Variants in DYNC2H1 observed in about 807,000 individuals in gnomAD.
DYNC2H1 encodes the protein cytoplasmic dynein 2 heavy chain 1.
A neutral mutation model predicts 570.0 loss-of-function variants in DYNC2H1; 410 were observed. That is an observed-to-expected ratio of 0.72 (90% CI 0.66 to 0.78). The LOEUF is 0.78. Among genes scored for constraint, DYNC2H1 ranks in the 30% least tolerant of loss-of-function variants. DYNC2H1 has a pLI of 0.00. For missense variants in DYNC2H1, 4,865 were observed against 5,046.4 expected, an observed-to-expected ratio of 0.96 and a Z score of 1.09; for synonymous variants, 1,688 against 1,677.6, an observed-to-expected ratio of 1.01 and a Z score of -0.15.
Position 103,283,052 on chromosome 11 carries a change from T to A in DYNC2H1, c.10857T>A (p.Asp3619Glu), listed in dbSNP as rs1235080690. Residue 3619 changes from aspartate (D) to glutamate (E), a missense_variant, in exon 73 of 89, where the codon GAT becomes GAA. This residue lies in a region of DYNC2H1 where 2,401 missense variants were observed against 2,454.6 expected (regional missense o/e 0.98). Transcript: ENST00000375735. Reference protein sequence around the residue: ...KIRDQLPSWIDQERSWAVATL... With the variant: ...KIRDQLPSWIEQERSWAVATL... ...GTGATCAGCTTCCGTCTTGGATAGA[T>A]CAGGAACGAAGCTGGGCCGTGGCAA... 1.9e-6 allele frequency: 3 copies of A among 1,608,988 alleles called. No individual in the cohort carries two copies. In the African/African-American group the frequency reaches 4.0e-5, roughly 22 times the overall value.
chr11:103,395,406 T>C lies in DYNC2H1; in HGVS notation c.12157-4257T>C, dbSNP rs1324964259. Among the ~76,000 whole-genome samples, 1 of 151,726 alleles carries C rather than the reference T, an allele frequency of 6.6e-6. No individual in the cohort carries two copies. The highest frequency in any genetic ancestry group is 1.5e-5 in the Non-Finnish European group (1 of 67,946). ...TTCTGAAAGATCTGATGTGCTGGAA[T>C]ATATACATGCATATGATCATGTATG... On this transcript the variant is annotated intron_variant, in intron 83 of 88. Coordinates refer to ENST00000375735, the MANE Select transcript of DYNC2H1 (RefSeq NM_001377.3). This position sits in a 1 kb window ranked among gnomAD's most constrained non-coding sequence, Gnocchi z 4.3.
intron 87 of DYNC2H1, among the ~76,000 whole-genome samples, chr11:103,459,724 G>C (rs377230785): frequency 6.6e-6 from 1 of 151,136 alleles, no homozygotes; most frequent in South Asian, 2.1e-4. Flanking sequence ...AGGCCGAGGC[G>C]GGTGGATCAT....
chr11:103,194,227 A>G (rs1459157357), intron 47 of DYNC2H1, among the ~76,000 whole-genome samples: 3 of 152,166 alleles, frequency 2.0e-5, no homozygotes, highest in South Asian at 2.1e-4. Flanking sequence ...CTGGAGATAC[A>G]TGCCGATTGT....
Position 103,326,252 on chromosome 11 carries a change from A to G in DYNC2H1, c.12039+2262A>G, listed in dbSNP as rs1938469035. On this transcript the variant is annotated intron_variant, in intron 82 of 88. Coordinates refer to ENST00000375735, the MANE Select transcript of DYNC2H1 (RefSeq NM_001377.3). This position sits in a 1 kb window ranked among gnomAD's most constrained non-coding sequence, Gnocchi z 6.1. Reference sequence around the variant, plus strand: ...GGGAGTAGAGGGAGGGGCGGGGAATAAAATCATCTCACCAGGGCCCCGTCC... The same window carrying G: ...GGGAGTAGAGGGAGGGGCGGGGAATGAAATCATCTCACCAGGGCCCCGTCC... Among the ~76,000 whole-genome samples, 1 of 152,054 alleles carries G rather than the reference A, an allele frequency of 6.6e-6. No individual in the cohort carries two copies. The highest frequency in any genetic ancestry group is 2.1e-4 in the South Asian group (1 of 4,818).
intron 75 of DYNC2H1, among the ~76,000 whole-genome samples, chr11:103,302,192 G>A (rs1033582605): frequency 6.6e-6 from 1 of 152,028 alleles, no homozygotes; most frequent in Non-Finnish European, 1.5e-5. Flanking sequence ...ATAGTTAATG[G>A]TGGCAGCTGG....
rs1170955405 is a variant in DYNC2H1 at position 103,311,929 on chromosome 11, C to G, written c.11545C>G (p.Pro3849Ala). 6.2e-7 allele frequency: 1 copy of G among 1,613,402 alleles called. No homozygotes were observed. The highest frequency in any genetic ancestry group is 1.7e-5 in the Admixed American group (1 of 59,956). The change falls in exon 79 of 89, where the codon CCT (proline) becomes GCT (alanine). Residue 3849 changes from proline (P) to alanine (A), a missense_variant. Physicochemically the swap from Pro to Ala is conservative, Grantham distance 27. This residue lies in a region of DYNC2H1 where 2,401 missense variants were observed against 2,454.6 expected (regional missense o/e 0.98). Transcript: ENST00000375735. ...NLMRTYESWT[P>A]EQISKKDNTH... Reference sequence around the variant, plus strand: ...AATGCGTACTTATGAGTCTTGGACTCCTGAGCAAATTAGCAAAAAAGATAA... The same window carrying G: ...AATGCGTACTTATGAGTCTTGGACTGCTGAGCAAATTAGCAAAAAAGATAA...
At chr11:103,152,055 A>G in intron 20 of DYNC2H1, 81 bp from the exon 21 acceptor site, 4 of 1,347,028 alleles carry the variant, frequency 3.0e-6, no homozygotes, top group Non-Finnish European at 4.0e-6. Flanking sequence ...GTTATGAAAC[A>G]AAAATTAAAA....
chr11:103,391,937 G>A (rs1036189014), intron 83 of DYNC2H1, among the ~76,000 whole-genome samples: 10 of 152,256 alleles, frequency 6.6e-5, no homozygotes, highest in East Asian at 1.9e-4. Context: ...TAGGCTACTC[G>A]GGGGTCAGGG....
chr11:103,477,967 G>A (rs1945615368), intron 88 of DYNC2H1, among the ~76,000 whole-genome samples: 1 of 150,738 alleles, frequency 6.6e-6, no homozygotes, highest in Non-Finnish European at 1.5e-5. Context: ...TATAAAAGAT[G>A]AACTTGTATA....
intron 63 of DYNC2H1, among the ~76,000 whole-genome samples, chr11:103,236,924 A>T (rs1430086301): frequency 6.6e-6 from 1 of 151,986 alleles, no homozygotes; most frequent in Non-Finnish European, 1.5e-5. Context: ...AAAATTAGCA[A>T]AAAGTGAAGA....
chr11:103,303,323 A>G, intron 76 of DYNC2H1, 70 bp downstream of exon 76: 1 of 1,520,508 alleles, frequency 6.6e-7, no homozygotes. Flanking sequence ...TATTGGTCAA[A>G]TGGACATTTT....
intron 21 of DYNC2H1, 42 bp downstream of exon 21, chr11:103,152,327 C>T (rs1275184481): frequency 6.6e-7 from 1 of 1,516,822 alleles, no homozygotes; most frequent in South Asian, 1.3e-5. Context: ...GAACTTTTTT[C>T]TTACTTAAGA....
chr11:103,206,140 G>C (rs1397838709), intron 52 of DYNC2H1, among the ~76,000 whole-genome samples: 4 of 152,112 alleles, frequency 2.6e-5, no homozygotes, highest in African/African-American at 9.7e-5. Context: ...GTTGTATTCT[G>C]CATACATTTT....
At chr11:103,148,827 G>T (rs914832718) in intron 20 of DYNC2H1, among the ~76,000 whole-genome samples, 1 of 152,166 alleles carries the variant, frequency 6.6e-6, no homozygotes, top group Non-Finnish European at 1.5e-5. Flanking sequence ...GGGAGGCCGA[G>T]GCAGGCAGAT....
intron 15 of DYNC2H1, 92 bp downstream of exon 15, chr11:103,134,511 G>C: frequency 2.1e-6 from 2 of 959,032 alleles, no homozygotes; most frequent in Non-Finnish European, 2.9e-6. Flanking sequence ...GTTCATAAAA[G>C]TTATCTTTAA....
chr11:103,160,827 A>G, intron 28 of DYNC2H1, 105 bp from the exon 29 acceptor site: 1 of 535,842 alleles, frequency 1.9e-6, no homozygotes. Context: ...TAATTTGATT[A>G]TTATATATGT....
chr11:103,187,556 G>A lies in DYNC2H1; in HGVS notation c.7110G>A (p.Gly2370=). The A allele has an allele frequency of 1.2e-6, 2 of 1,613,120 alleles. No homozygotes were observed. Among genetic ancestry groups the A allele is most frequent in the Non-Finnish European group, 1.7e-6 (2 of 1,179,380 alleles). Residue 2370 remains glycine (G), a synonymous_variant, in exon 43 of 89, where the codon GGG becomes GGA. Transcript: ENST00000375735. ...DINLPKLDKW[G]TSTLVAFLQQ... ...ACCTACCTAAACTTGATAAATGGGG[G>A]ACCAGTACTTTGGTAGCATTCCTAC...
rs183927107 is a variant in DYNC2H1, at chr11:103,189,699, G to A, written c.7320G>A (p.Thr2440=). The change falls in exon 45 of 89, where the codon ACG becomes ACA. Residue 2440 remains threonine (T), a synonymous_variant. Coordinates refer to ENST00000375735, the MANE Select transcript of DYNC2H1 (RefSeq NM_001377.3). This position sits in a 1 kb window ranked among gnomAD's most constrained non-coding sequence, Gnocchi z 4.3. ...IDYPEREQLQ[T]IYGAYLEPVL... ...ACCCAGAAAGAGAGCAGTTACAAAC[G>A]ATTTATGGAGCATATTTGGAACCAG... 9.4e-5 allele frequency: 152 copies of A among 1,612,750 alleles called. 1 individual carries two copies. The African/African-American group carries it at 1.8e-3, about 19-fold the overall frequency.
At position 103,406,727 on chromosome 11, in the gene DYNC2H1, T is replaced by C. The variant is rs928937063; in HGVS notation, c.12366+6855T>C. On this transcript the variant is annotated intron_variant, in intron 84 of 88. Transcript: ENST00000375735. Reference sequence around the variant, plus strand: ...TTGAGGAGTAGGCTAGGATTTTGTGTAGCTGTGTTTGATTAAGTCCTCCTC... The same window carrying C: ...TTGAGGAGTAGGCTAGGATTTTGTGCAGCTGTGTTTGATTAAGTCCTCCTC... The C allele has an allele frequency of 2.0e-5, 3 of 151,998 alleles. No individual in the cohort carries two copies. In the South Asian group the frequency reaches 6.2e-4, roughly 31 times the overall value. 9.4% of individuals were successfully genotyped at this position (151,998 alleles called of 1,614,324 possible). A position where few individuals can be genotyped will look rare whatever the true frequency, so the allele number is the denominator to read the frequency against.
Sources: allele counts gnomAD v4.1 joint callset (sites outside exome capture counted in the v4.1 genomes callset), GRCh38; gene constraint gnomAD v4.1.1; regional missense constraint gnomAD v4.1.1; non-coding constraint Gnocchi (gnomAD v3.1); transcripts MANE v1.5; gene names NCBI Gene and HGNC (gene_info 2026-07-23, HGNC 2026-07-21).